The following MPG variants were observed in gnomAD, a reference collection of about 807,000 sequenced individuals.
MPG encodes DNA-3-methyladenine glycosylase.
A neutral mutation model predicts 31.7 loss-of-function variants in MPG; 33 were observed. The ratio of observed to expected loss-of-function variants is 1.04; its 90% CI spans 0.79 to 1.39. MPG has a LOEUF of 1.39. MPG is among the 40% of genes most tolerant of loss of function. MPG has a pLI of 0.00. For synonymous variants in MPG, 202 were observed against 169.2 expected (o/e 1.19, Z -1.51); for missense variants, 455 against 415.5 (o/e 1.10, Z -0.83).
chr16:79,136 C>T lies in MPG; in HGVS notation c.25-289C>T, dbSNP rs1203295009. ...CAGGCTCAGGCCCCCATCTGCTCCC[C>T]AGGTCATGCAGCCTGGGCCCCCATG... On this transcript the variant is annotated intron_variant, in intron 1 of 3. Transcript: ENST00000356432. 12 of 1,496,500 alleles carry T rather than the reference C, an allele frequency of 8.0e-6. No homozygotes were observed. The East Asian group carries it at 2.0e-4, about 25-fold the overall frequency. 92.7% of individuals were successfully genotyped at this position (1,496,500 alleles called of 1,614,324 possible). A position where few individuals can be genotyped will look rare whatever the true frequency, so the allele number is the denominator to read the frequency against.
chr16:77,261 CCTT>C (rs1425760004), upstream of MPG: 1 of 152,288 alleles, frequency 6.6e-6, no homozygotes, highest in Non-Finnish European at 1.5e-5. Context: ...CCCAGATAAA[CCTT>C]CAAGTGGCCA....
Position 79,442 on chromosome 16 carries a change from G to A in MPG, c.42G>A (p.Gly14=), listed in dbSNP as rs1683557488. ...CATTACAGTTTTGCCGACGGATGGG[G>A]CAAAAGAAGCAGCGACCAGCTAGAG... ...RSGAQFCRRM[G]QKKQRPARAG... Residue 14 remains glycine (G), a synonymous_variant, in exon 2 of 4, where the codon GGG becomes GGA. Transcript: ENST00000356432. The A allele has an allele frequency of 1.2e-6, 2 of 1,613,074 alleles. No individual in the cohort carries two copies. Among genetic ancestry groups the A allele is most frequent in the African/African-American group, 1.3e-5 (1 of 74,912 alleles).
rs1898397947 is a variant in MPG at position 85,305 on chromosome 16, T to C, written c.506-96T>C. Reference sequence around the variant, plus strand: ...TCCCTGGCCCAGGCAGGAAGGCAGCTGCACCCTCCCTGCAGCACAGGATGT... The same window carrying C: ...TCCCTGGCCCAGGCAGGAAGGCAGCCGCACCCTCCCTGCAGCACAGGATGT... On this transcript the variant is annotated intron_variant, in intron 3 of 3. Transcript: ENST00000356432. The C allele has an allele frequency of 2.1e-6, 3 of 1,424,542 alleles. No homozygotes were observed. The South Asian group carries it at 4.1e-5, about 19-fold the overall frequency. 88.2% of individuals were successfully genotyped at this position (1,424,542 alleles called of 1,614,324 possible). A position where few individuals can be genotyped will look rare whatever the true frequency, so the allele number is the denominator to read the frequency against.
chr16:79,732 G>GA (rs1380653595), intron 2 of MPG, 32 bp downstream of exon 2: 1 of 1,530,016 alleles, frequency 6.5e-7, no homozygotes, highest in Admixed American at 2.0e-5. Flanking sequence ...GGGCCCTCCT[G>GA]AAGTGCCTGT....
rs1461702365 is a variant in MPG, at chr16:85,383, A to G, written c.506-18A>G. Reference sequence around the variant, plus strand: ...AGGAGCCTAGGGAGGCTCCACTTCCAAACTGTCCGTCCCACAGGGGACGGG... The same window carrying G: ...AGGAGCCTAGGGAGGCTCCACTTCCGAACTGTCCGTCCCACAGGGGACGGG... On this transcript the variant is annotated intron_variant, in intron 3 of 3. Coordinates refer to ENST00000356432, the MANE Select transcript of MPG (RefSeq NM_001015052.3). 4 of 1,584,964 alleles carry G rather than the reference A, an allele frequency of 2.5e-6. No homozygotes were observed. In the Admixed American group the frequency reaches 5.2e-5, roughly 21 times the overall value.
In MPG at chr16:85,756, T is replaced by C. The variant is rs1324375780; in HGVS notation, c.861T>C (p.Ala287=). 1.3e-6 allele frequency: 2 copies of C among 1,510,778 alleles called. No individual in the cohort carries two copies. Among genetic ancestry groups the C allele is most frequent in the East Asian group, 2.3e-5 (1 of 43,728 alleles). The allele number at this position is 1,510,778 out of a possible 1,614,324, so 93.6% of individuals were successfully genotyped here. ...SPWVSVVDRV[A]EQDTQA is the part of the protein sequence containing the mutation. The stretch of plus-strand genomic sequence containing the variant: ...GGGTCAGTGTGGTCGACAGAGTGGC[T>C]GAGCAGGACACACAGGCCTGAGCAA... Residue 287 remains alanine, a synonymous_variant, in exon 4 of 4, where the codon GCT becomes GCC. Transcript: ENST00000356432.
At chr16:83,668 G>T (rs889002713) in intron 3 of MPG, among the ~76,000 whole-genome samples, 1 of 151,824 alleles carries the variant, frequency 6.6e-6, no homozygotes. Context: ...TTGAACCCGG[G>T]AGGCGGAGGT....
chr16:78,188 G>T, upstream of MPG: 1 of 938,980 alleles, frequency 1.1e-6, no homozygotes, highest in South Asian at 2.7e-5. Context: ...CCTTCTCCCG[G>T]CTTCCGTCCC....
In MPG at chr16:85,601, G is replaced by A. The variant is rs934461697; in HGVS notation, c.706G>A (p.Ala236Thr). 3 of 1,610,620 alleles carry A rather than the reference G, an allele frequency of 1.9e-6. No homozygotes were observed. The highest frequency in any genetic ancestry group is 2.5e-6 in the Non-Finnish European group (3 of 1,177,812). Residue 236 changes from alanine to threonine, a missense_variant, in exon 4 of 4, where the codon GCT (alanine) becomes ACT (threonine). Transcript: ENST00000356432. The part of the protein sequence containing the change: ...FDQRDLAQDE[A>T]VWLERGPLEP... Reference sequence around the variant, plus strand: ...CCAGAGGGACCTGGCACAGGATGAAGCTGTATGGCTGGAGCGTGGTCCCCT... The same window carrying A: ...CCAGAGGGACCTGGCACAGGATGAAACTGTATGGCTGGAGCGTGGTCCCCT...
At position 85,728 on chromosome 16, in the gene MPG, C is replaced by T; in HGVS notation, c.833C>T (p.Pro278Leu). The change falls in exon 4 of 4, where the codon CCC becomes CTC. Residue 278 changes from proline to leucine, a missense_variant. Physicochemically the swap from Pro to Leu is moderately conservative, Grantham distance 98. Coordinates refer to ENST00000356432, the MANE Select transcript of MPG (RefSeq NM_001015052.3). ...CTCCGCTTCTATGTCCGGGGCAGCC[C>T]CTGGGTCAGTGTGGTCGACAGAGTG... ...KPLRFYVRGSPWVSVVDRVAE... is the reference protein window; with the variant it reads ...KPLRFYVRGSLWVSVVDRVAE... 6.6e-7 allele frequency: 1 copy of T among 1,526,162 alleles called. No homozygotes were observed. The highest frequency in any genetic ancestry group is 8.8e-7 in the Non-Finnish European group (1 of 1,134,706). The allele number at this position is 1,526,162 out of a possible 1,614,324, so 94.5% of individuals were successfully genotyped here.
chr16:78,300 G>C lies in MPG; in HGVS notation c.-10G>C, dbSNP rs771648570. On this transcript the variant is annotated 5_prime_UTR_variant, in exon 1 of 4. Transcript: ENST00000356432. ...TCCGAGTCCCACGAAGCCCCGGCCC[G>C]AGCCGCCGGATGCCCGCGCGCAGCG... 2.2e-6 allele frequency: 3 copies of C among 1,337,084 alleles called. No homozygotes were observed. The highest frequency in any genetic ancestry group is 1.5e-5 in the African/African-American group (1 of 65,148). The allele number at this position is 1,337,084 out of a possible 1,614,324, so 82.8% of individuals were successfully genotyped here.
chr16:83,333 G>A (rs371744730), intron 3 of MPG, 77 bp downstream of exon 3: 4 of 1,416,042 alleles, frequency 2.8e-6, no homozygotes, highest in Non-Finnish European at 3.9e-6. Flanking sequence ...CCACTAGGAG[G>A]ACTGAGGTGG....
chr16:77,848 G>A (rs992965987), upstream of MPG, among the ~76,000 whole-genome samples: 1 of 151,732 alleles, frequency 6.6e-6, no homozygotes, highest in African/African-American at 2.4e-5. Flanking sequence ...CCCAAAGCAC[G>A]ACCACTCCGC....
At chr16:81,888 GGGAAGGCCTCCTGAATGCTCCCC>G (rs1898251261) in intron 2 of MPG, among the ~76,000 whole-genome samples, 1 of 111,236 alleles carries the variant, frequency 9.0e-6, no homozygotes, top group Admixed American at 9.7e-5. Flanking sequence ...CCCTACCTCC[GGGAAGGCCTCCTGAATGCTCCCC>G]GCGCTGACCC....
chr16:81,153 C>T (rs1356462718), intron 2 of MPG, among the ~76,000 whole-genome samples: 2 of 152,188 alleles, frequency 1.3e-5, no homozygotes, highest in Non-Finnish European at 1.5e-5. Context: ...GCCATGAAAT[C>T]CCAGGCCACT....
chr16:77,107 C>G (rs535630955), upstream of MPG: 3 of 152,424 alleles, frequency 2.0e-5, no homozygotes, highest in East Asian at 5.8e-4. Context: ...TGCCCAGTTG[C>G]TCTTCAAGGC....
chr16:79,825 G>C lies in MPG; in HGVS notation c.300+125G>C, dbSNP rs1898194260. The C allele has an allele frequency of 3.6e-6, 4 of 1,117,330 alleles. No individual in the cohort carries two copies. In the South Asian group the frequency reaches 4.7e-5, roughly 13 times the overall value. The allele number at this position is 1,117,330 out of a possible 1,614,324, so 69.2% of individuals were successfully genotyped here. On this transcript the variant is annotated intron_variant, in intron 2 of 3. Coordinates refer to ENST00000356432, the MANE Select transcript of MPG (RefSeq NM_001015052.3). ...CCTCCTTGTCCTCATGCATTTAGCG[G>C]CTTTGCTCACACTGGTCCCTGCTTA...
upstream of MPG, chr16:78,033 G>A: frequency 3.4e-6 from 1 of 293,308 alleles, no homozygotes; most frequent in Non-Finnish European, 6.3e-6. Flanking sequence ...ACCCCCAGGT[G>A]CCCCTTCCCC....
chr16:83,955 A>C (rs2141888591), intron 3 of MPG, among the ~76,000 whole-genome samples: 1 of 152,124 alleles, frequency 6.6e-6, no homozygotes, highest in Non-Finnish European at 1.5e-5. Flanking sequence ...TCGGCGGAGG[A>C]GTCGGTGAGG....
Sources: gnomAD v4.1 joint callset for allele counts (sites outside exome capture counted in the v4.1 genomes callset) on GRCh38, gnomAD v4.1.1 for gene constraint, MANE v1.5 for transcripts, NCBI Gene and HGNC (gene_info 2026-07-23, HGNC 2026-07-21) for gene names.